The following PCDHGB2 variants were observed in gnomAD, a reference collection of about 807,000 sequenced individuals.
PCDHGB2 encodes the protein protocadherin gamma-B2.
A neutral mutation model predicts 59.3 loss-of-function variants in PCDHGB2; 55 were observed. The observed-to-expected ratio is 0.93, with a 90% CI of 0.75 to 1.16. PCDHGB2 has a LOEUF of 1.16. PCDHGB2 is among the 50% of genes most tolerant of loss of function. The pLI is 0.00. For synonymous variants in PCDHGB2, 516 were observed against 512.0 expected (o/e 1.01, Z -0.11); for missense variants, 1,228 against 1,198.5 (o/e 1.02, Z -0.36).
Position 141,361,971 on chromosome 5 carries a change from C to G in PCDHGB2, c.1836C>G (p.Ser612Arg), listed in dbSNP as rs766740783. The G allele has an allele frequency of 6.2e-7, 1 of 1,601,080 alleles. No individual in the cohort carries two copies. Among genetic ancestry groups the G allele is most frequent in the South Asian group, 1.1e-5 (1 of 90,718 alleles). ...AWLSYHVLQA[S>R]EPGLFSLGLR... is the part of the protein sequence containing the mutation. ...TGTCCTACCACGTGCTGCAGGCCAG[C>G]GAGCCCGGGCTCTTCAGCCTGGGGT... The change falls in exon 1 of 4, where the codon AGC becomes AGG. Residue 612 changes from serine (S) to arginine (R), a missense_variant. Coordinates refer to ENST00000522605, the MANE Select transcript of PCDHGB2 (RefSeq NM_018923.3).
At chr5:141,385,514 G>C (rs928847931) in intron 1 of PCDHGB2, 3 of 1,363,488 alleles carry the variant, frequency 2.2e-6, no homozygotes, top group Non-Finnish European at 2.8e-6. Context: ...TTTAGTGAAA[G>C]CCTATGGACA....
chr5:141,432,335 C>T lies in PCDHGB2; in HGVS notation c.2422-62472C>T, dbSNP rs146691720. On this transcript the variant is annotated intron_variant, in intron 1 of 3. Coordinates refer to ENST00000522605, the MANE Select transcript of PCDHGB2 (RefSeq NM_018923.3). This position sits in a 1 kb window ranked among gnomAD's most constrained non-coding sequence, Gnocchi z 6.0. ...GAGCTCCTTCGACTACGAGCAGTTC[C>T]GAGACTTGCAAGTGAAAGTGATGGC... 2.6e-5 allele frequency: 42 copies of T among 1,614,126 alleles called. No individual in the cohort carries two copies. Among genetic ancestry groups the T allele is most frequent in the African/African-American group, 1.2e-4 (9 of 74,940 alleles).
chr5:141,404,829 TGC>T lies in PCDHGB2; in HGVS notation c.2421+42276_2421+42277del, dbSNP rs774802551. 6.2e-6 allele frequency: 10 copies of T among 1,608,020 alleles called. No individual in the cohort carries two copies. In the Admixed American group the frequency reaches 1.7e-4, roughly 27 times the overall value. On this transcript the variant is annotated intron_variant, in intron 1 of 3. Coordinates refer to ENST00000522605, the MANE Select transcript of PCDHGB2 (RefSeq NM_018923.3). ...TCGGTGGGGCTGCACACAGGTGAAGTGCGCACAGCTCGGGCCCTGCTAGATAG... is the reference window on the plus strand; with the variant it reads ...TCGGTGGGGCTGCACACAGGTGAAGTGCACAGCTCGGGCCCTGCTAGATAG...
intron 3 of PCDHGB2, among the ~76,000 whole-genome samples, chr5:141,510,533 C>A (rs1366903068): frequency 6.6e-6 from 1 of 152,118 alleles, no homozygotes; most frequent in Non-Finnish European, 1.5e-5. Flanking sequence ...GAGAGAAATA[C>A]CAGCGAATGT....
At position 141,476,477 on chromosome 5, in the gene PCDHGB2, G is replaced by A; in HGVS notation, c.2422-18330G>A. 1.2e-6 allele frequency: 2 copies of A among 1,614,078 alleles called. No individual in the cohort carries two copies. Among genetic ancestry groups the A allele is most frequent in the South Asian group, 1.1e-5 (1 of 91,070 alleles). ...GGAGAACCCGCTGGAGCTGTTCAGC[G>A]TGGAAGTGGTGATCCAGGACATCAA... On this transcript the variant is annotated intron_variant, in intron 1 of 3. Transcript: ENST00000522605. This position sits in a 1 kb window ranked among gnomAD's most constrained non-coding sequence, Gnocchi z 7.6.
At position 141,413,701 on chromosome 5, in the gene PCDHGB2, C is replaced by T. The variant is rs764950275; in HGVS notation, c.2421+51145C>T. 1.1e-4 allele frequency: 177 copies of T among 1,613,654 alleles called. No individual in the cohort carries two copies. The Admixed American group carries it at 2.9e-3, about 27-fold the overall frequency. On this transcript the variant is annotated intron_variant, in intron 1 of 3. Coordinates refer to ENST00000522605, the MANE Select transcript of PCDHGB2 (RefSeq NM_018923.3). ...CGTGAACTCCCTGCAGAGCTATCAG[C>T]TCAGCCCCAATAAGCACTTCTCCCT...
At chr5:141,503,116 A>G (rs1303445673) in intron 2 of PCDHGB2, among the ~76,000 whole-genome samples, 11 of 151,656 alleles carry the variant, frequency 7.3e-5, no homozygotes, top group Admixed American at 4.6e-4. Flanking sequence ...GCCTCTCTTC[A>G]TACCCTCTGG....
chr5:141,476,926 T>G lies in PCDHGB2; in HGVS notation c.2422-17881T>G, dbSNP rs779017502. ...GCGTGGTACAAGTCCTTGCAACGGA[T>G]CTGGATGAAGGCCCCAACGGTGAAA... is the stretch of plus-strand genomic sequence containing the variant. On this transcript the variant is annotated intron_variant, in intron 1 of 3. Coordinates refer to ENST00000522605, the MANE Select transcript of PCDHGB2 (RefSeq NM_018923.3). The surrounding 1 kb of genome is among the most constrained non-coding windows in gnomAD (Gnocchi z 7.6). 1 of 1,614,072 alleles carries G rather than the reference T, an allele frequency of 6.2e-7. No homozygotes were observed. The highest frequency in any genetic ancestry group is 1.1e-5 in the South Asian group (1 of 91,092).
At chr5:141,471,860 A>G (rs1470502617) in intron 1 of PCDHGB2, among the ~76,000 whole-genome samples, 1 of 152,202 alleles carries the variant, frequency 6.6e-6, no homozygotes, top group Non-Finnish European at 1.5e-5. Flanking sequence ...AAAAAGCAAA[A>G]CTGTGGTTGC....
intron 1 of PCDHGB2, chr5:141,384,370 T>C (rs769961814): frequency 1.9e-6 from 3 of 1,613,926 alleles, no homozygotes; most frequent in South Asian, 2.2e-5. Context: ...CACTTATTCC[T>C]TGGCCGAAGA....
intron 1 of PCDHGB2, chr5:141,388,545 C>T (rs1293366202): frequency 6.2e-7 from 1 of 1,613,680 alleles, no homozygotes; most frequent in Non-Finnish European, 8.5e-7. Flanking sequence ...TGGAGCTCCA[C>T]CCCTAAGCAG....
Position 141,486,369 on chromosome 5 carries a change from C to A in PCDHGB2, c.2422-8438C>A. On this transcript the variant is annotated intron_variant, in intron 1 of 3. Coordinates refer to ENST00000522605, the MANE Select transcript of PCDHGB2 (RefSeq NM_018923.3). This position sits in a 1 kb window ranked among gnomAD's most constrained non-coding sequence, Gnocchi z 5.0. ...GACCACTTGCCATTTGCCCTCAAGT[C>A]TGCCTTCAGGAACCAGTTCTCCCTG... 6.2e-7 allele frequency: 1 copy of A among 1,614,128 alleles called. No individual in the cohort carries two copies. Among genetic ancestry groups the A allele is most frequent in the African/African-American group, 1.3e-5 (1 of 75,048 alleles).
At chr5:141,384,110 T>A in intron 1 of PCDHGB2, 1 of 1,604,780 alleles carries the variant, frequency 6.2e-7, no homozygotes, top group Non-Finnish European at 8.5e-7. Context: ...TATTATAGAT[T>A]GGTCACAACC....
rs2098098668 is a variant in PCDHGB2, at chr5:141,439,210, T to C, written c.2422-55597T>C. Among the ~76,000 whole-genome samples the C allele has an allele frequency of 4.0e-5, 6 of 150,296 alleles. No homozygotes were observed. The Middle Eastern group carries it at 0.014, about 343-fold the overall frequency. On this transcript the variant is annotated intron_variant, in intron 1 of 3. Transcript: ENST00000522605. The stretch of plus-strand genomic sequence containing the variant: ...TCTGACAAAAAAAAAAAAAAATCCA[T>C]ATGTGAAAATTCTTAGAAGCTTCCT...
chr5:141,376,553 G>A (rs746063311), intron 1 of PCDHGB2: 3 of 1,610,808 alleles, frequency 1.9e-6, no homozygotes, highest in Admixed American at 1.7e-5. Context: ...TGATCTTCCC[G>A]CAACCCAACT....
At chr5:141,454,796 A>ATTTTTTTTTTTTTTTTTTTTTTTT (rs61612330) in intron 1 of PCDHGB2, among the ~76,000 whole-genome samples, 4 of 77,456 alleles carry the variant, frequency 5.2e-5, no homozygotes, top group Non-Finnish European at 9.3e-5. Flanking sequence ...CATGGTTCTA[A>ATTTTTTTTTTTTTTTTTTTTTTTT]TTTTTTTTTT....
chr5:141,393,103 C>A lies in PCDHGB2; in HGVS notation c.2421+30547C>A, dbSNP rs776552182. On this transcript the variant is annotated intron_variant, in intron 1 of 3. Coordinates refer to ENST00000522605, the MANE Select transcript of PCDHGB2 (RefSeq NM_018923.3). ...AGGATAGATCGGGAGGAGCTCTGCGCTCAGAGCCCGCGGTGTCTGATAAAT... is the reference window on the plus strand; with the variant it reads ...AGGATAGATCGGGAGGAGCTCTGCGATCAGAGCCCGCGGTGTCTGATAAAT... The A allele has an allele frequency of 3.2e-5, 51 of 1,613,464 alleles. No homozygotes were observed. Among genetic ancestry groups the A allele is most frequent in the South Asian group, 1.5e-4 (14 of 91,088 alleles).
At position 141,477,100 on chromosome 5, in the gene PCDHGB2, C is replaced by A. The variant is rs970613825; in HGVS notation, c.2422-17707C>A. On this transcript the variant is annotated intron_variant, in intron 1 of 3. Transcript: ENST00000522605. This position sits in a 1 kb window ranked among gnomAD's most constrained non-coding sequence, Gnocchi z 4.9. ...TTTACATCCAGGCCAAAGACAAGGGCGCCAATCCCGAAGGAGCACATTGCA... is the reference window on the plus strand; with the variant it reads ...TTTACATCCAGGCCAAAGACAAGGGAGCCAATCCCGAAGGAGCACATTGCA... 1 of 1,614,216 alleles carries A rather than the reference C, an allele frequency of 6.2e-7. No homozygotes were observed. Among genetic ancestry groups the A allele is most frequent in the Non-Finnish European group, 8.5e-7 (1 of 1,180,040 alleles).
chr5:141,389,896 C>G, intron 1 of PCDHGB2: 8 of 1,614,078 alleles, frequency 5.0e-6, no homozygotes, highest in Non-Finnish European at 6.8e-6. Context: ...GAGGTGCTGC[C>G]GGATATCACT....
Sources: gnomAD v4.1 joint callset for allele counts (sites outside exome capture counted in the v4.1 genomes callset) on GRCh38, gnomAD v4.1.1 for gene constraint, Gnocchi (gnomAD v3.1) non-coding constraint, MANE v1.5 for transcripts, NCBI Gene and HGNC (gene_info 2026-07-23, HGNC 2026-07-21) for gene names.